TEK: variants seen among roughly 807,000 people sequenced by gnomAD.
The protein encoded by TEK is angiopoietin-1 receptor.
In TEK, 43 loss-of-function variants were observed where a neutral mutation model predicts 131.8. That is an observed-to-expected ratio of 0.33 (90% CI 0.26 to 0.42). The LOEUF is 0.42. TEK is among the 10% of genes least tolerant of loss of function. The probability of loss-of-function intolerance (pLI) is 1.00; values close to 1 mark genes in which losing one functional copy is unlikely to be tolerated. For synonymous variants in TEK, 580 were observed against 491.6 expected, an observed-to-expected ratio of 1.18 and a Z score of -2.38; for missense variants, 1,162 against 1,384.4, an observed-to-expected ratio of 0.84 and a Z score of 2.55.
intron 2 of TEK, among the ~76,000 whole-genome samples, chr9:27,166,998 A>G (rs570061107): frequency 1.3e-5 from 2 of 152,188 alleles, no homozygotes; most frequent in South Asian, 4.1e-4. Flanking sequence ...GGTGATCCTT[A>G]TATTGTTAAC....
chr9:27,128,014 C>T (rs896961447), intron 1 of TEK, among the ~76,000 whole-genome samples: 2 of 152,110 alleles, frequency 1.3e-5, no homozygotes, highest in African/African-American at 4.8e-5. Context: ...GCTTCTGTTG[C>T]GATTGCTTTT....
rs569814674 is a variant in TEK at position 27,174,812 on chromosome 9, G to A, written c.901+1450G>A. Among the ~76,000 whole-genome samples, 3 of 152,170 alleles carry A rather than the reference G, an allele frequency of 2.0e-5. No individual in the cohort carries two copies. In the South Asian group the frequency reaches 6.2e-4, roughly 32 times the overall value. On this transcript the variant is annotated intron_variant, in intron 6 of 22. Coordinates refer to ENST00000380036, the MANE Select transcript of TEK (RefSeq NM_000459.5). ...TAAGGTAAAAGGTGACTCCAGGCAGGGGGCAGATCCCTTGTATTTTAAAAA... is the reference window on the plus strand; with the variant it reads ...TAAGGTAAAAGGTGACTCCAGGCAGAGGGCAGATCCCTTGTATTTTAAAAA...
intron 14 of TEK, among the ~76,000 whole-genome samples, chr9:27,206,330 C>T (rs1334286081): frequency 6.6e-6 from 1 of 152,210 alleles, no homozygotes; most frequent in Admixed American, 6.5e-5. Flanking sequence ...TTACTCCTTC[C>T]TCCGTCACCC....
intron 1 of TEK, among the ~76,000 whole-genome samples, chr9:27,126,574 T>C (rs1216287369): frequency 6.6e-6 from 1 of 152,136 alleles, no homozygotes; most frequent in Non-Finnish European, 1.5e-5. Flanking sequence ...GGATACACTG[T>C]ATATAAAAAT....
chr9:27,114,031 G>C (rs1342204179), intron 1 of TEK, among the ~76,000 whole-genome samples: 1 of 152,158 alleles, frequency 6.6e-6, no homozygotes, highest in African/African-American at 2.4e-5. Flanking sequence ...CTTCCCCTAA[G>C]TTTAGGCTCC....
rs941557433 is a variant in TEK, at chr9:27,169,761, T to C, written c.628+132T>C. 6 of 1,261,004 alleles carry C rather than the reference T, an allele frequency of 4.8e-6. No homozygotes were observed. The African/African-American group carries it at 7.4e-5, about 15-fold the overall frequency. The allele number at this position is 1,261,004 out of a possible 1,614,324, so 78.1% of individuals were successfully genotyped here. A position where few individuals can be genotyped will look rare whatever the true frequency, so the allele number is the denominator to read the frequency against. ...GCATTGGTTGGAGGTTGTATTAGTCTGTTCTTATGCTGCAAAGCAAATGAA... is the reference window on the plus strand; with the variant it reads ...GCATTGGTTGGAGGTTGTATTAGTCCGTTCTTATGCTGCAAAGCAAATGAA... On this transcript the variant is annotated intron_variant, in intron 4 of 22. Coordinates refer to ENST00000380036, the MANE Select transcript of TEK (RefSeq NM_000459.5).
intron 1 of TEK, among the ~76,000 whole-genome samples, chr9:27,132,313 C>T (rs1255820894): frequency 2.0e-5 from 3 of 151,906 alleles, no homozygotes; most frequent in Non-Finnish European, 4.4e-5. Context: ...GTCTTGAACT[C>T]CTGACCTTGT....
At chr9:27,124,823 A>G (rs1250143654) in intron 1 of TEK, among the ~76,000 whole-genome samples, 1 of 152,226 alleles carries the variant, frequency 6.6e-6, no homozygotes. Flanking sequence ...TAGTGACAGT[A>G]CTAATATTTA....
chr9:27,220,220 C>G (rs530875676), intron 21 of TEK, 75 bp downstream of exon 21: 6 of 1,406,912 alleles, frequency 4.3e-6, no homozygotes, highest in Non-Finnish European at 6.0e-6. Context: ...CTGACTCTAG[C>G]AAAGTCAGCC....
At chr9:27,158,447 C>G (rs1463203498) in intron 2 of TEK, among the ~76,000 whole-genome samples, 2 of 152,096 alleles carry the variant, frequency 1.3e-5, no homozygotes, top group Non-Finnish European at 2.9e-5. Flanking sequence ...ATATGAAAAT[C>G]ATAGCAATGA....
intron 9 of TEK, among the ~76,000 whole-genome samples, chr9:27,187,156 A>C (rs1023850170): frequency 6.6e-6 from 1 of 152,210 alleles, no homozygotes; most frequent in African/African-American, 2.4e-5. Flanking sequence ...CACTGGGTCT[A>C]GTTTTTAGTT....
At chr9:27,165,411 G>T (rs1349709994) in intron 2 of TEK, among the ~76,000 whole-genome samples, 4 of 151,976 alleles carry the variant, frequency 2.6e-5, no homozygotes, top group African/African-American at 9.7e-5. Flanking sequence ...GAAGCACTTG[G>T]CAACGTGAGC....
intron 1 of TEK, among the ~76,000 whole-genome samples, chr9:27,133,477 A>G (rs1460818511): frequency 2.0e-5 from 3 of 152,172 alleles, no homozygotes; most frequent in Non-Finnish European, 4.4e-5. Context: ...GATGCCCTCT[A>G]CAATCTTCCA....
chr9:27,218,584 T>G (rs1439816640), intron 19 of TEK, among the ~76,000 whole-genome samples, 193 bp from the exon 20 acceptor site: 2 of 152,150 alleles, frequency 1.3e-5, no homozygotes, highest in African/African-American at 4.8e-5. Flanking sequence ...AAGTGAACAC[T>G]GTTTCTTTGT....
intron 2 of TEK, among the ~76,000 whole-genome samples, chr9:27,164,751 G>A (rs1330840132): frequency 6.6e-6 from 1 of 151,916 alleles, no homozygotes; most frequent in Non-Finnish European, 1.5e-5. Context: ...GCCTAGGCTG[G>A]TCTCAAACTC....
intron 1 of TEK, among the ~76,000 whole-genome samples, chr9:27,119,988 TTTAGTCTCCA>T (rs1470260776): frequency 8.5e-5 from 13 of 152,288 alleles, no homozygotes; most frequent in African/African-American, 3.1e-4. Flanking sequence ...TCCACCTTCC[TTTAGTCTCCA>T]TTCTACTTTG....
At position 27,179,150 on chromosome 9, in the gene TEK, C is replaced by G. The variant is rs191858675; in HGVS notation, c.902-1090C>G. ...AAATCATTTTTTTCCAACCTTTTTC[C>G]TACTTTTCTTCTTTAGATGGGCTAT... On this transcript the variant is annotated intron_variant, in intron 6 of 22. Transcript: ENST00000380036. Among the ~76,000 whole-genome samples the G allele has an allele frequency of 2.3e-4, 35 of 152,154 alleles. No individual in the cohort carries two copies. The East Asian group carries it at 6.4e-3, about 28-fold the overall frequency.
At chr9:27,147,958 A>C (rs1822986270) in intron 1 of TEK, among the ~76,000 whole-genome samples, 1 of 152,236 alleles carries the variant, frequency 6.6e-6, no homozygotes, top group South Asian at 2.1e-4. Flanking sequence ...GCTGTGTAAC[A>C]ATCACCAAGT....
At chr9:27,185,453 A>G (rs1824560303) in intron 8 of TEK, 32 bp from the exon 9 acceptor site, 1 of 1,613,292 alleles carries the variant, frequency 6.2e-7, no homozygotes, top group South Asian at 1.1e-5. Context: ...CCTCCCTAGA[A>G]GTTTTTATTT....
Sources: allele counts gnomAD v4.1 joint callset (sites outside exome capture counted in the v4.1 genomes callset), GRCh38; gene constraint gnomAD v4.1.1; transcripts MANE v1.5; gene names NCBI Gene and HGNC (gene_info 2026-07-23, HGNC 2026-07-21).